The following CACNA1A variants were observed in gnomAD, a reference collection of about 807,000 sequenced individuals.
The protein encoded by CACNA1A is calcium voltage-gated channel subunit alpha1 A.
In CACNA1A, 57 loss-of-function variants were observed where a neutral mutation model predicts 262.4. The observed-to-expected ratio is 0.22, with a 90% CI of 0.18 to 0.27. CACNA1A has a LOEUF of 0.27. Among genes scored for constraint, CACNA1A ranks in the 10% least tolerant of loss-of-function variants. The pLI, the probability that CACNA1A is intolerant of heterozygous loss-of-function variation, is 1.00. For missense variants in CACNA1A, 2,526 were observed against 3,562.8 expected, an observed-to-expected ratio of 0.71 and a Z score of 7.41; for synonymous variants, 1,431 against 1,419.3, an observed-to-expected ratio of 1.01 and a Z score of -0.18.
chr19:13,269,686 GCA>G (rs2056965999), intron 24 of CACNA1A, among the ~76,000 whole-genome samples: 1 of 152,210 alleles, frequency 6.6e-6, no homozygotes, highest in South Asian at 2.1e-4. Flanking sequence ...TGATGCATGG[GCA>G]CAGAGCGTGA....
At chr19:13,346,635 TATATATATATATATATATATATATA>T (rs1568557066) in intron 6 of CACNA1A, among the ~76,000 whole-genome samples, 11 of 4,516 alleles carry the variant, frequency 2.4e-3, no homozygotes, top group East Asian at 0.01. Context: ...TATATATATA[TATATATATATATATATATATATATA>T]TATATATTTT....
intron 19 of CACNA1A, among the ~76,000 whole-genome samples, chr19:13,288,436 C>T (rs528382100): frequency 3.9e-4 from 59 of 152,106 alleles, no homozygotes; most frequent in Admixed American, 1.4e-3. Context: ...GACAGGGCTT[C>T]GCCATGTTGC....
chr19:13,477,831 T>G lies in CACNA1A; in HGVS notation c.294-22619A>C, dbSNP rs571913575. Among the ~76,000 whole-genome samples the G allele has an allele frequency of 2.0e-5, 3 of 152,300 alleles. No individual in the cohort carries two copies. In the South Asian group the frequency reaches 6.2e-4, roughly 32 times the overall value. The stretch of plus-strand genomic sequence containing the variant: ...ATGTTCTATAGAAGCCGCCTTTCCA[T>G]TATGCAACTGTGGTGGCTTTTCTTT... On this transcript the variant is annotated intron_variant, in intron 1 of 46. Coordinates refer to ENST00000360228, the MANE Select transcript of CACNA1A (RefSeq NM_001127222.2).
At chr19:13,406,356 G>C (rs974355926) in intron 3 of CACNA1A, among the ~76,000 whole-genome samples, 4 of 150,172 alleles carry the variant, frequency 2.7e-5, no homozygotes, top group African/African-American at 9.8e-5. Context: ...TTGGGAGTCT[G>C]AGGAACAAGA....
chr19:13,393,818 C>T (rs1250020548), intron 3 of CACNA1A, among the ~76,000 whole-genome samples: 1 of 69,830 alleles, frequency 1.4e-5, no homozygotes, highest in Non-Finnish European at 3.7e-5. Context: ...TCCTCTCTCT[C>T]TCTCTCTCTC....
chr19:13,228,522 A>G (rs1208753379), intron 36 of CACNA1A: 4 of 216,312 alleles, frequency 1.8e-5, no homozygotes, highest in East Asian at 1.1e-4. Flanking sequence ...TCGAGTCTAC[A>G]TGACTGCATT....
At chr19:13,311,598 G>C (rs1001889853) in intron 12 of CACNA1A, among the ~76,000 whole-genome samples, 12 of 152,200 alleles carry the variant, frequency 7.9e-5, no homozygotes, top group Non-Finnish European at 1.3e-4. Flanking sequence ...AGCACTTTGG[G>C]AGGCCAAGGC....
At chr19:13,223,288 G>C (rs1485546608) in intron 38 of CACNA1A, among the ~76,000 whole-genome samples, 1 of 152,108 alleles carries the variant, frequency 6.6e-6, no homozygotes, top group African/African-American at 2.4e-5. Context: ...CCGCCTCCCA[G>C]GTTCAAGCGA....
chr19:13,465,732 G>A (rs550214639), intron 1 of CACNA1A, among the ~76,000 whole-genome samples: 12 of 152,200 alleles, frequency 7.9e-5, no homozygotes, highest in East Asian at 3.9e-4. Flanking sequence ...CAAGCGATCC[G>A]CCCACCTCAG....
chr19:13,282,406 C>T (rs763572918), intron 22 of CACNA1A, among the ~76,000 whole-genome samples: 3 of 152,100 alleles, frequency 2.0e-5, no homozygotes, highest in East Asian at 1.9e-4. Context: ...AGCCTCTGCC[C>T]GCAGCCCATG....
chr19:13,334,727 G>A (rs1018303620), intron 7 of CACNA1A, among the ~76,000 whole-genome samples: 5 of 151,800 alleles, frequency 3.3e-5, no homozygotes, highest in Non-Finnish European at 5.9e-5. Flanking sequence ...CACATTTCCC[G>A]ACAACTGTGC....
intron 30 of CACNA1A, chr19:13,252,776 G>A: frequency 2.6e-6 from 1 of 377,432 alleles, no homozygotes; most frequent in Non-Finnish European, 4.8e-6. Flanking sequence ...GGATACATAA[G>A]CAGCCATATG....
At chr19:13,250,019 C>T (rs1234007871) in intron 30 of CACNA1A, among the ~76,000 whole-genome samples, 2 of 152,064 alleles carry the variant, frequency 1.3e-5, no homozygotes, top group Non-Finnish European at 2.9e-5. Context: ...GAATTCACTT[C>T]ACTTCAAGTC....
chr19:13,432,452 A>AAATAAATAAATAAAT (rs1568638846), intron 3 of CACNA1A, among the ~76,000 whole-genome samples: 3 of 117,288 alleles, frequency 2.6e-5, no homozygotes, highest in African/African-American at 9.4e-5. Context: ...AATAAATAAA[A>AAATAAATAAATAAAT]ATTAAAAATT....
intron 10 of CACNA1A, among the ~76,000 whole-genome samples, chr19:13,326,904 G>GTT (rs111538186): frequency 1.4e-5 from 2 of 144,300 alleles, no homozygotes; most frequent in Non-Finnish European, 3.1e-5. Context: ...ACTTTTTTTT[G>GTT]TTTTTTTTTT....
intron 1 of CACNA1A, among the ~76,000 whole-genome samples, chr19:13,477,405 C>T (rs1226243925): frequency 1.3e-5 from 2 of 152,232 alleles, no homozygotes; most frequent in African/African-American, 2.4e-5. Context: ...CTTTTGTCTG[C>T]TTCCTGTGTC....
intron 7 of CACNA1A, among the ~76,000 whole-genome samples, chr19:13,334,893 G>C (rs1260950864): frequency 6.6e-6 from 1 of 151,974 alleles, no homozygotes; most frequent in African/African-American, 2.4e-5. Flanking sequence ...ATGTAGCTGG[G>C]CATGGTGGCA....
intron 6 of CACNA1A, among the ~76,000 whole-genome samples, chr19:13,345,785 T>C (rs561040593): frequency 1.5e-3 from 224 of 152,242 alleles, no homozygotes; most frequent in Non-Finnish European, 2.8e-3. Context: ...ATACCCGTTA[T>C]AGATCATGCC....
At position 13,275,928 on chromosome 19, in the gene CACNA1A, T is replaced by G. The variant is rs755279579; in HGVS notation, c.3911A>C (p.Gln1304Pro). Reference sequence around the variant, plus strand: ...CCAGAGGTCACGGAAGTAGGCACCCTGATGCAGGACGAGCCCCAGGTCAAT... The same window carrying G: ...CCAGAGGTCACGGAAGTAGGCACCCGGATGCAGGACGAGCCCCAGGTCAAT... Reference protein sequence around the residue: ...KMIDLGLVLHQGAYFRDLWNI... With the variant: ...KMIDLGLVLHPGAYFRDLWNI... Residue 1304 changes from glutamine to proline, a missense_variant, in exon 24 of 47, where the codon CAG (glutamine) becomes CCG (proline). Gln to Pro is a moderately conservative substitution (Grantham distance 76, BLOSUM62 -1). This residue lies in a region of CACNA1A where 137 missense variants were observed against 377.7 expected (regional missense o/e 0.36). Coordinates refer to ENST00000360228, the MANE Select transcript of CACNA1A (RefSeq NM_001127222.2). 1.8e-5 allele frequency: 29 copies of G among 1,613,536 alleles called. No homozygotes were observed. In the African/African-American group the frequency reaches 3.2e-4, roughly 18 times the overall value.
Sources: allele counts gnomAD v4.1 joint callset (sites outside exome capture counted in the v4.1 genomes callset), GRCh38; gene constraint gnomAD v4.1.1; regional missense constraint gnomAD v4.1.1; transcripts MANE v1.5; gene names NCBI Gene and HGNC (gene_info 2026-07-23, HGNC 2026-07-21).